The following JAK2 variants were observed in gnomAD, a reference collection of about 807,000 sequenced individuals.
The protein encoded by JAK2 is tyrosine-protein kinase JAK2.
In JAK2, 86 loss-of-function variants were observed where a neutral mutation model predicts 139.3. The observed-to-expected ratio is 0.62, with a 90% confidence interval of 0.52 to 0.74. JAK2 has a LOEUF of 0.74. Among genes scored for constraint, JAK2 ranks in the 30% least tolerant of loss-of-function variants. JAK2 has a pLI of 0.00. For synonymous variants in JAK2, 490 were observed against 437.7 expected (o/e 1.12, Z -1.49); for missense variants, 1,421 against 1,360.3 (o/e 1.04, Z -0.70).
Position 4,986,677 on chromosome 9 carries a change from G to C in JAK2, c.-26+655G>C, listed in dbSNP as rs546407913. Among the ~76,000 whole-genome samples, 25 of 152,218 alleles carry C rather than the reference G, an allele frequency of 1.6e-4. No individual in the cohort carries two copies. The South Asian group carries it at 5.2e-3, about 32-fold the overall frequency. ...TTCTCCAGAATGCTTGGGACCAAAAGTGTTTTGGATTTTTTTTAAAAATTT... is the reference window on the plus strand; with the variant it reads ...TTCTCCAGAATGCTTGGGACCAAAACTGTTTTGGATTTTTTTTAAAAATTT... On this transcript the variant is annotated intron_variant, in intron 2 of 24. Transcript: ENST00000381652.
intron 3 of JAK2, among the ~76,000 whole-genome samples, chr9:5,029,115 G>C (rs1038620038): frequency 2.0e-5 from 3 of 152,164 alleles, no homozygotes; most frequent in Non-Finnish European, 4.4e-5. Flanking sequence ...TAAAGTGAGA[G>C]ATATGAAACT....
At chr9:5,048,443 T>C (rs1385503612) in intron 5 of JAK2, among the ~76,000 whole-genome samples, 1 of 152,120 alleles carries the variant, frequency 6.6e-6, no homozygotes, top group Non-Finnish European at 1.5e-5. Flanking sequence ...ACCCAGCCCA[T>C]CTACTAGTTC....
upstream of JAK2, chr9:4,984,652 A>G (rs1455327713): frequency 6.6e-6 from 1 of 152,180 alleles, no homozygotes; most frequent in Non-Finnish European, 1.5e-5. Flanking sequence ...GGTCTGCTGT[A>G]CCCGGGAGGT....
At chr9:5,108,352 A>G (rs1054421493) in intron 22 of JAK2, 1 of 152,114 alleles carries the variant, frequency 6.6e-6, no homozygotes, top group Non-Finnish European at 1.5e-5. Context: ...GAACGCCTCA[A>G]TGCAAGCTCA....
intron 14 of JAK2, 35 bp downstream of exon 14, chr9:5,073,820 C>G: frequency 7.6e-7 from 1 of 1,311,172 alleles, no homozygotes; most frequent in Non-Finnish European, 1.1e-6. Context: ...ATGCCTTTCT[C>G]AGAGCATCTG....
At chr9:5,081,972 A>G in intron 19 of JAK2, 111 bp downstream of exon 19, 1 of 906,418 alleles carries the variant, frequency 1.1e-6, no homozygotes, top group East Asian at 2.5e-5. Context: ...CTTGTAGAAA[A>G]AAAAGGTTTG....
chr9:4,991,541 A>C (rs1347808938), intron 2 of JAK2, among the ~76,000 whole-genome samples: 1 of 152,220 alleles, frequency 6.6e-6, no homozygotes, highest in Non-Finnish European at 1.5e-5. Flanking sequence ...CAACTCACGT[A>C]ATCAGTGAGT....
intron 8 of JAK2, among the ~76,000 whole-genome samples, chr9:5,059,959 C>T (rs568814263): frequency 2.0e-5 from 3 of 152,148 alleles, no homozygotes; most frequent in East Asian, 1.9e-4. Flanking sequence ...GTTTGTAAAA[C>T]GTATATAGAC....
chr9:5,100,793 C>A (rs1301379961), intron 22 of JAK2: 1 of 152,372 alleles, frequency 6.6e-6, no homozygotes, highest in African/African-American at 2.4e-5. Context: ...GCCCCTTTTA[C>A]TATCTCTGAT....
In JAK2 at chr9:5,129,021, C is replaced by T. The variant is rs1372991781; in HGVS notation, c.*2230C>T. On this transcript the variant is annotated 3_prime_UTR_variant, in exon 25 of 25. Coordinates refer to ENST00000381652, the MANE Select transcript of JAK2 (RefSeq NM_004972.4). ...TTTTCACGCTATTTATATATGCTGC[C>T]AGTAACACTATAATTTGCTATGGAA... 1.3e-5 allele frequency among the ~76,000 whole-genome samples: 2 copies of T among 151,952 alleles called. No homozygotes were observed. Among genetic ancestry groups the T allele is most frequent in the Non-Finnish European group, 2.9e-5 (2 of 67,902 alleles).
At chr9:5,111,930 G>A (rs1262807355) in intron 22 of JAK2, 2 of 348,344 alleles carry the variant, frequency 5.7e-6, no homozygotes, top group Middle Eastern at 6.1e-4. Context: ...CTACTCTCCG[G>A]ATCACTCAAG....
At chr9:5,073,850 T>C (rs1474450926) in intron 14 of JAK2, 65 bp downstream of exon 14, 4 of 1,072,854 alleles carry the variant, frequency 3.7e-6, no homozygotes, top group Non-Finnish European at 5.6e-6. Context: ...ATATAGAAAA[T>C]TCAGTTTCAG....
At chr9:5,100,605 C>G (rs1380409463) in intron 22 of JAK2, 1 of 152,246 alleles carries the variant, frequency 6.6e-6, no homozygotes, top group African/African-American at 2.4e-5. Context: ...GCATTTTTCC[C>G]CTCAAACGCT....
chr9:5,095,589 T>G (rs938176493), intron 22 of JAK2, among the ~76,000 whole-genome samples: 2 of 152,158 alleles, frequency 1.3e-5, no homozygotes, highest in African/African-American at 4.8e-5. Flanking sequence ...CCCAGGGAAC[T>G]TCTCTAATGT....
chr9:5,034,448 C>G (rs1284883845), intron 4 of JAK2, among the ~76,000 whole-genome samples: 7 of 152,066 alleles, frequency 4.6e-5, no homozygotes, highest in African/African-American at 1.7e-4. Context: ...ATTTTCAGCA[C>G]CACACCACAC....
intron 2 of JAK2, among the ~76,000 whole-genome samples, chr9:4,990,336 C>T (rs1357516860): frequency 6.6e-6 from 1 of 151,994 alleles, no homozygotes; most frequent in African/African-American, 2.4e-5. Context: ...AAAGAAACTG[C>T]CGTTTGATTA....
chr9:5,013,945 T>C (rs1821881064), intron 2 of JAK2, among the ~76,000 whole-genome samples: 1 of 152,122 alleles, frequency 6.6e-6, no homozygotes, highest in African/African-American at 2.4e-5. Context: ...ATGAAACTTA[T>C]TTTTAGGTCT....
chr9:5,111,752 G>T (rs1032811044), intron 22 of JAK2: 3 of 424,646 alleles, frequency 7.1e-6, no homozygotes, highest in African/African-American at 4.1e-5. Context: ...GCACGGAGGA[G>T]AAGTGAACGG....
At chr9:5,103,007 T>TAACA (rs1244425020) in intron 22 of JAK2, among the ~76,000 whole-genome samples, 1 of 151,864 alleles carries the variant, frequency 6.6e-6, no homozygotes, top group Non-Finnish European at 1.5e-5. Flanking sequence ...AATAACCAGC[T>TAACA]AACATCATAA....
Sources: allele counts gnomAD v4.1 joint callset (sites outside exome capture counted in the v4.1 genomes callset), GRCh38; gene constraint gnomAD v4.1.1; transcripts MANE v1.5; gene names NCBI Gene and HGNC (gene_info 2026-07-23, HGNC 2026-07-21).